Variants in LIMK2 observed in about 807,000 individuals in gnomAD.
The protein encoded by LIMK2 is LIM domain kinase 2.
A neutral mutation model predicts 75.7 loss-of-function variants in LIMK2; 35 were observed. The observed-to-expected ratio is 0.46, with a 90% CI of 0.35 to 0.61. The LOEUF (loss-of-function observed/expected upper bound fraction) is 0.61. LIMK2 is among the 20% of genes least tolerant of loss of function. The probability of loss-of-function intolerance (pLI) is 0.00; values close to 1 mark genes in which losing one functional copy is unlikely to be tolerated. For synonymous variants in LIMK2, 301 were observed against 319.2 expected, an observed-to-expected ratio of 0.94 and a Z score of 0.61; for missense variants, 623 against 831.0, an observed-to-expected ratio of 0.75 and a Z score of 3.08.
intron 2 of LIMK2, among the ~76,000 whole-genome samples, chr22:31,249,137 C>T (rs970490846): frequency 1.3e-5 from 2 of 152,214 alleles, no homozygotes; most frequent in African/African-American, 2.4e-5. Context: ...ACCTGCGGGC[C>T]ATGCTGCCTG....
rs9784228 is a variant in LIMK2 at position 31,275,696 on chromosome 22, T to C, written c.1772+388T>C. The C allele has an allele frequency of 4.1e-3, 697 of 169,554 alleles. 4 individuals carry two copies. The highest frequency in any genetic ancestry group is 0.016 in the African/African-American group (663 of 41,996). 10.5% of individuals were successfully genotyped at this position (169,554 alleles called of 1,614,324 possible). A position where few individuals can be genotyped will look rare whatever the true frequency, so the allele number is the denominator to read the frequency against. On this transcript the variant is annotated intron_variant, in intron 15 of 15. Coordinates refer to ENST00000331728, the MANE Select transcript of LIMK2 (RefSeq NM_005569.4). ...TTTCCCTTGTGTTTACTATCCAGTC[T>C]TCCTGTTTATCATTTTTGTCGACAA...
chr22:31,224,878 A>G (rs1174035695), intron 1 of LIMK2, among the ~76,000 whole-genome samples: 1 of 152,164 alleles, frequency 6.6e-6, no homozygotes, highest in Non-Finnish European at 1.5e-5. Context: ...TGGACCGCCA[A>G]CTGGTACGGG....
In LIMK2 at chr22:31,217,174, G is replaced by C. The variant is rs577539012; in HGVS notation, c.16+4750G>C. Among the ~76,000 whole-genome samples, 21 of 152,192 alleles carry C rather than the reference G, an allele frequency of 1.4e-4. 1 individual carries two copies. In the South Asian group the frequency reaches 4.1e-3, roughly 30 times the overall value. ...CCCAGCACTTTGGGAGGCTGAGGTG[G>C]GTGGATCACAAGGTCAGGAGTTCAA... is the stretch of plus-strand genomic sequence containing the variant. On this transcript the variant is annotated intron_variant, in intron 1 of 15. Coordinates refer to ENST00000331728, the MANE Select transcript of LIMK2 (RefSeq NM_005569.4).
At chr22:31,230,108 G>A (rs768368496) in intron 2 of LIMK2, 2 of 141,634 alleles carry the variant, frequency 1.4e-5, no homozygotes, top group Non-Finnish European at 3.0e-5. Context: ...AGTGGAAAAG[G>A]AACAAAGAAA....
chr22:31,247,544 C>T (rs1463104202), intron 2 of LIMK2, among the ~76,000 whole-genome samples: 1 of 152,174 alleles, frequency 6.6e-6, no homozygotes, highest in African/African-American at 2.4e-5. Context: ...GGGCTCCATC[C>T]TATTTGCAGA....
chr22:31,272,727 G>A (rs775018001), intron 13 of LIMK2, 23 bp downstream of exon 13: 13 of 1,564,688 alleles, frequency 8.3e-6, no homozygotes, highest in Middle Eastern at 1.8e-4. Flanking sequence ...GCCCTGGAGG[G>A]GACACCCGCA....
At position 31,262,930 on chromosome 22, in the gene LIMK2, G is replaced by C. The variant is rs1254410388; in HGVS notation, c.854+139G>C. On this transcript the variant is annotated intron_variant, in intron 7 of 15. Transcript: ENST00000331728. The surrounding 1 kb of genome is among the most constrained non-coding windows in gnomAD (Gnocchi z 5.0). ...CTATGAGGATTGTGCTGACCCAGCT[G>C]CCCCTGTGGGGATCACAGTTTACAG... The C allele has an allele frequency of 6.5e-6, 5 of 766,876 alleles. No individual in the cohort carries two copies. The highest frequency in any genetic ancestry group is 1.8e-5 in the African/African-American group (1 of 55,772). 47.5% of individuals were successfully genotyped at this position (766,876 alleles called of 1,614,324 possible). A position where few individuals can be genotyped will look rare whatever the true frequency, so the allele number is the denominator to read the frequency against.
intron 2 of LIMK2, among the ~76,000 whole-genome samples, chr22:31,240,439 T>G (rs897118599): frequency 9.2e-5 from 14 of 151,982 alleles, no homozygotes; most frequent in Admixed American, 6.6e-5. Flanking sequence ...TTTTTTTTTT[T>G]TTTGAGTTGG....
At chr22:31,243,008 C>T (rs2048636066) in intron 2 of LIMK2, among the ~76,000 whole-genome samples, 1 of 152,224 alleles carries the variant, frequency 6.6e-6, no homozygotes, top group Non-Finnish European at 1.5e-5. Flanking sequence ...CCGCAACCTC[C>T]GCCTCCCGGG....
chr22:31,226,661 G>A (rs1442847134), intron 2 of LIMK2, among the ~76,000 whole-genome samples: 1 of 152,250 alleles, frequency 6.6e-6, no homozygotes, highest in East Asian at 1.9e-4. Context: ...CCAGGCTGGT[G>A]TACAGTGATG....
At chr22:31,246,537 C>T (rs1482895184) in intron 2 of LIMK2, among the ~76,000 whole-genome samples, 1 of 151,846 alleles carries the variant, frequency 6.6e-6, no homozygotes, top group African/African-American at 2.4e-5. Context: ...GCTCTCTGGC[C>T]CTTTACAGAA....
intron 2 of LIMK2, among the ~76,000 whole-genome samples, chr22:31,232,969 C>T (rs1482534919): frequency 6.6e-6 from 1 of 152,192 alleles, no homozygotes; most frequent in African/African-American, 2.4e-5. Context: ...CCATGGGCTC[C>T]AGCCTGGCTT....
At chr22:31,277,496 TTTA>T in intron 15 of LIMK2, 1 of 1,059,904 alleles carries the variant, frequency 9.4e-7, no homozygotes, top group Non-Finnish European at 1.1e-6. Flanking sequence ...ACCTTGTTCC[TTTA>T]TAGGCCAAGG....
chr22:31,268,301 T>C (rs1012306882), intron 11 of LIMK2, 101 bp downstream of exon 11: 6 of 952,986 alleles, frequency 6.3e-6, no homozygotes, highest in African/African-American at 1.6e-5. Flanking sequence ...ATGCAACTTG[T>C]GTGGGCTGGG....
At chr22:31,237,502 T>A (rs2048589197) in intron 2 of LIMK2, among the ~76,000 whole-genome samples, 1 of 151,100 alleles carries the variant, frequency 6.6e-6, no homozygotes, top group Non-Finnish European at 1.5e-5. Flanking sequence ...AGATGGAGGT[T>A]GCAGTGTGCT....
intron 2 of LIMK2, among the ~76,000 whole-genome samples, chr22:31,253,450 A>T (rs1236621716): frequency 6.6e-6 from 1 of 152,224 alleles, no homozygotes; most frequent in African/African-American, 2.4e-5. Flanking sequence ...CTGCTGGGGA[A>T]TTGAACACTG....
In LIMK2 at chr22:31,266,989, A is replaced by G. The variant is rs2048902544; in HGVS notation, c.1047A>G (p.Thr349=). The G allele has an allele frequency of 6.2e-7, 1 of 1,607,672 alleles. No homozygotes were observed. The highest frequency in any genetic ancestry group is 8.5e-7 in the Non-Finnish European group (1 of 1,176,162). The change falls in exon 9 of 16, where the codon ACA becomes ACG. Residue 349 remains threonine, a synonymous_variant. Transcript: ENST00000331728. ...AACAGTCACCCTCCCTGTAGGTGAC[A>G]CACAAAGCCACGGGCAAAGTGATGG... ...KGFFGQAIKV[T]HKATGKVMVM... is the part of the protein sequence containing the mutation.
chr22:31,255,265 G>T (rs1436220013), intron 2 of LIMK2, among the ~76,000 whole-genome samples: 1 of 152,166 alleles, frequency 6.6e-6, no homozygotes, highest in African/African-American at 2.4e-5. Flanking sequence ...TCCTCATTTA[G>T]AGCTCATCCC....
intron 15 of LIMK2, chr22:31,277,606 C>CTT: frequency 1.1e-6 from 1 of 912,388 alleles, no homozygotes; most frequent in Non-Finnish European, 1.3e-6. Context: ...TTCTAAATAT[C>CTT]TTTAATTTAT....
Sources: allele counts gnomAD v4.1 joint callset (sites outside exome capture counted in the v4.1 genomes callset), GRCh38; gene constraint gnomAD v4.1.1; non-coding constraint Gnocchi (gnomAD v3.1); transcripts MANE v1.5; gene names NCBI Gene and HGNC (gene_info 2026-07-23, HGNC 2026-07-21).